CSMD3: variants seen among roughly 807,000 people sequenced by gnomAD.
CSMD3 encodes the protein CUB and Sushi multiple domains 3.
A neutral mutation model predicts 435.2 loss-of-function variants in CSMD3; 177 were observed. The observed-to-expected ratio is 0.41, with a 90% CI of 0.36 to 0.46. CSMD3 has a LOEUF of 0.46. Ranked by LOEUF, CSMD3 falls within the 20% of genes least tolerant of loss-of-function variation. CSMD3 has a pLI of 0.34. For missense variants in CSMD3, 4,265 were observed against 4,504.6 expected (o/e 0.95, Z 1.52); for synonymous variants, 1,656 against 1,520.5 (o/e 1.09, Z -2.07).
intron 6 of CSMD3, among the ~76,000 whole-genome samples, chr8:113,009,419 A>T (rs2086174254): frequency 6.6e-6 from 1 of 151,846 alleles, no homozygotes; most frequent in South Asian, 2.1e-4. Flanking sequence ...TTTCCAGAAC[A>T]ATACTTGTAT....
intron 11 of CSMD3, among the ~76,000 whole-genome samples, chr8:112,841,529 C>T (rs2080178490): frequency 1.3e-5 from 2 of 151,644 alleles, no homozygotes; most frequent in Non-Finnish European, 2.9e-5. Context: ...CTTTTATTGT[C>T]TATTTAAAGT....
chr8:113,071,443 G>A (rs2089114994), intron 5 of CSMD3, among the ~76,000 whole-genome samples: 2 of 151,850 alleles, frequency 1.3e-5, no homozygotes, highest in Admixed American at 6.6e-5. Context: ...TAGTTTTATG[G>A]TTTCAGGTCT....
At chr8:112,599,734 T>C (rs983599275) in intron 22 of CSMD3, among the ~76,000 whole-genome samples, 1 of 150,978 alleles carries the variant, frequency 6.6e-6, no homozygotes, top group South Asian at 2.1e-4. Flanking sequence ...ATGGATGAAA[T>C]TGGAAATCAT....
chr8:112,596,161 A>T (rs1831695244), intron 22 of CSMD3, among the ~76,000 whole-genome samples: 1 of 151,552 alleles, frequency 6.6e-6, no homozygotes, highest in Admixed American at 6.6e-5. Context: ...AAATAAAAGG[A>T]TGGAGGAAGA....
intron 1 of CSMD3, among the ~76,000 whole-genome samples, chr8:113,357,390 G>C (rs1685133079): frequency 6.6e-6 from 1 of 152,150 alleles, no homozygotes; most frequent in Non-Finnish European, 1.5e-5. Context: ...ATCTAAACCA[G>C]TTGCTGCACA....
At chr8:112,786,830 T>C (rs527341024) in intron 13 of CSMD3, among the ~76,000 whole-genome samples, 1 of 152,226 alleles carries the variant, frequency 6.6e-6, no homozygotes, top group South Asian at 2.1e-4. Context: ...GGTGGTTTGC[T>C]GCATGCATAA....
In CSMD3 at chr8:112,223,206, A is replaced by G; in HGVS notation, c.*1565T>C. ...ATTTAAAACTGCATCCTGCCAGTAGAGTACCATGTTGAGAAAATTGTATGA... is the reference window on the plus strand; with the variant it reads ...ATTTAAAACTGCATCCTGCCAGTAGGGTACCATGTTGAGAAAATTGTATGA... On this transcript the variant is annotated 3_prime_UTR_variant, in exon 71 of 71. Transcript: ENST00000297405. The G allele has an allele frequency of 2.5e-6, 1 of 393,464 alleles. No individual in the cohort carries two copies. Among genetic ancestry groups the G allele is most frequent in the Non-Finnish European group, 4.5e-6 (1 of 222,486 alleles). The allele number at this position is 393,464 out of a possible 1,614,324, so 24.4% of individuals were successfully genotyped here.
chr8:112,830,216 C>A (rs1424695884), intron 11 of CSMD3, among the ~76,000 whole-genome samples: 1 of 152,110 alleles, frequency 6.6e-6, no homozygotes, highest in East Asian at 1.9e-4. Context: ...CATGCAGAAA[C>A]AGAGTGTGCT....
intron 36 of CSMD3, 49 bp downstream of exon 36, chr8:112,390,615 A>G: frequency 6.7e-7 from 1 of 1,492,654 alleles, no homozygotes; most frequent in South Asian, 1.1e-5. Context: ...CTCTGAAAAG[A>G]TTAACTACAC....
At chr8:113,136,172 G>C (rs72685870) in intron 4 of CSMD3, among the ~76,000 whole-genome samples, 14,609 of 151,826 alleles carry the variant, frequency 0.096, 910 homozygotes, top group Middle Eastern at 0.17. Flanking sequence ...GTGGGAAGCA[G>C]TGCTTGTGAC....
At chr8:112,690,074 C>T (rs2076097316) in intron 13 of CSMD3, 24 bp from the exon 14 acceptor site, 1 of 1,598,738 alleles carries the variant, frequency 6.3e-7, no homozygotes, top group African/African-American at 1.3e-5. Flanking sequence ...AGATAAAAGT[C>T]ACCTTCCAAG....
intron 13 of CSMD3, among the ~76,000 whole-genome samples, chr8:112,792,099 G>A (rs910553987): frequency 4.6e-5 from 7 of 152,032 alleles, no homozygotes; most frequent in Non-Finnish European, 7.4e-5. Flanking sequence ...TATTAAATAT[G>A]TTTCTGCAAA....
At chr8:112,826,453 T>A (rs1006791080) in intron 12 of CSMD3, among the ~76,000 whole-genome samples, 1 of 135,388 alleles carries the variant, frequency 7.4e-6, no homozygotes, top group African/African-American at 2.8e-5. Context: ...TAGGCCCTGG[T>A]GGCGTGTGCT....
chr8:112,651,720 G>A (rs376972083), intron 18 of CSMD3, among the ~76,000 whole-genome samples: 4 of 151,914 alleles, frequency 2.6e-5, no homozygotes, highest in Non-Finnish European at 5.9e-5. Context: ...TGTATTGTTA[G>A]TAGAGACGGG....
intron 5 of CSMD3, among the ~76,000 whole-genome samples, chr8:113,043,855 T>C (rs1251084945): frequency 6.6e-6 from 1 of 152,066 alleles, no homozygotes; most frequent in Admixed American, 6.5e-5. Context: ...AGCTGTGATA[T>C]AAAATTAGAC....
intron 13 of CSMD3, among the ~76,000 whole-genome samples, chr8:112,700,520 GC>G: frequency 6.6e-6 from 1 of 151,710 alleles, no homozygotes; most frequent in Non-Finnish European, 1.5e-5. Context: ...ACAAACAAAA[GC>G]AAAAAAACAA....
chr8:112,362,167 T>C (rs1420062432), intron 38 of CSMD3, among the ~76,000 whole-genome samples: 2 of 151,940 alleles, frequency 1.3e-5, no homozygotes, highest in Non-Finnish European at 2.9e-5. Flanking sequence ...TGCAGATATT[T>C]TTCTGGCTTA....
intron 1 of CSMD3, among the ~76,000 whole-genome samples, chr8:113,368,152 T>C (rs952123439): frequency 7.2e-5 from 11 of 152,156 alleles, no homozygotes; most frequent in Non-Finnish European, 4.4e-5. Context: ...AATGGCATAA[T>C]TGGCCAACTG....
intron 1 of CSMD3, among the ~76,000 whole-genome samples, chr8:113,324,607 G>C (rs1255480545): frequency 1.3e-5 from 2 of 152,124 alleles, no homozygotes; most frequent in African/African-American, 4.8e-5. Flanking sequence ...GCATGGGCAG[G>C]GTCTTCACGG....
Sources: gnomAD v4.1 joint callset for allele counts (sites outside exome capture counted in the v4.1 genomes callset) on GRCh38, gnomAD v4.1.1 for gene constraint, MANE v1.5 for transcripts, NCBI Gene and HGNC (gene_info 2026-07-23, HGNC 2026-07-21) for gene names.